Variants in ARHGAP42 observed in about 807,000 individuals in gnomAD.
ARHGAP42 encodes Rho GTPase activating protein 42.
Under a neutral mutation model 125.0 loss-of-function variants are expected in ARHGAP42, and 63 were observed. The observed-to-expected ratio is 0.50, with a 90% confidence interval of 0.41 to 0.62. ARHGAP42 has a LOEUF of 0.62. Among genes scored for constraint, ARHGAP42 ranks in the 20% least tolerant of loss-of-function variants. The probability of loss-of-function intolerance (pLI) is 0.00; values close to 1 mark genes in which losing one functional copy is unlikely to be tolerated. For missense variants in ARHGAP42, 766 were observed against 1,024.2 expected, an observed-to-expected ratio of 0.75 and a Z score of 3.44; for synonymous variants, 339 against 351.0, an observed-to-expected ratio of 0.97 and a Z score of 0.38.
intron 1 of ARHGAP42, among the ~76,000 whole-genome samples, chr11:100,750,940 T>TG: frequency 6.7e-6 from 1 of 149,754 alleles, no homozygotes; most frequent in African/African-American, 2.4e-5. Context: ...TGTATACTTT[T>TG]TTTTTTTTTT....
chr11:100,948,399 A>G, intron 10 of ARHGAP42, 58 bp from the exon 11 acceptor site: 1 of 1,235,004 alleles, frequency 8.1e-7, no homozygotes, highest in Non-Finnish European at 1.1e-6. Flanking sequence ...TTTTTAGTTA[A>G]CTGAGAATTT....
chr11:100,701,358 A>T (rs932527719), intron 1 of ARHGAP42, among the ~76,000 whole-genome samples: 1 of 152,158 alleles, frequency 6.6e-6, no homozygotes, highest in African/African-American at 2.4e-5. Context: ...CTAACAAGAG[A>T]GTCAGCCTGA....
At chr11:100,936,381 C>G (rs1193489767) in intron 8 of ARHGAP42, 49 bp downstream of exon 8, 1 of 1,548,466 alleles carries the variant, frequency 6.5e-7, no homozygotes, top group Non-Finnish European at 8.7e-7. Flanking sequence ...TAGCCACGAT[C>G]ATGAGATGTG....
Position 100,988,895 on chromosome 11 carries a change from CTAAG to C in ARHGAP42, c.*96_*99del. On this transcript the variant is annotated 3_prime_UTR_variant, in exon 24 of 24. Transcript: ENST00000298815. ...ACACAGATACACGGGGATCAGCCCACTAAGTGAAAACAGTCAATTTCTATCAAGT... is the reference window on the plus strand; with the variant it reads ...ACACAGATACACGGGGATCAGCCCACTGAAAACAGTCAATTTCTATCAAGT... 1.1e-6 allele frequency: 1 copy of C among 881,390 alleles called. No individual in the cohort carries two copies. Among genetic ancestry groups the C allele is most frequent in the East Asian group, 2.7e-5 (1 of 36,668 alleles). 54.6% of individuals were successfully genotyped at this position (881,390 alleles called of 1,614,324 possible).
chr11:100,774,899 G>C (rs1035423146), intron 2 of ARHGAP42, among the ~76,000 whole-genome samples: 3 of 151,750 alleles, frequency 2.0e-5, no homozygotes, highest in Admixed American at 1.3e-4. Context: ...TTTTGCGCCA[G>C]TGACACACTG....
At chr11:100,875,093 CTCTCTCTCTCTCTCTGTGTG>C (rs1447451346) in intron 4 of ARHGAP42, among the ~76,000 whole-genome samples, 7 of 96,020 alleles carry the variant, frequency 7.3e-5, no homozygotes, top group East Asian at 3.1e-4. Flanking sequence ...CTCTCTCTCT[CTCTCTCTCTCTCTCTGTGTG>C]TGTGTGTGTG....
intron 22 of ARHGAP42, among the ~76,000 whole-genome samples, chr11:100,979,553 A>T (rs1439835583): frequency 6.6e-6 from 1 of 152,166 alleles, no homozygotes; most frequent in Non-Finnish European, 1.5e-5. Context: ...TTAAAAGGAT[A>T]TGAGTTGTTA....
At chr11:100,943,181 A>G (rs1867926643) in intron 9 of ARHGAP42, among the ~76,000 whole-genome samples, 1 of 151,798 alleles carries the variant, frequency 6.6e-6, no homozygotes, top group South Asian at 2.1e-4. Context: ...ATTACTTTTA[A>G]TGGGAAAACC....
At chr11:100,705,017 A>AC (rs61338891) in intron 1 of ARHGAP42, among the ~76,000 whole-genome samples, 258 of 127,366 alleles carry the variant, frequency 2.0e-3, no homozygotes, top group African/African-American at 4.6e-3. Context: ...CAACAACAAA[A>AC]AAAAAAAAAA....
At chr11:100,689,234 C>T (rs531848629) in intron 1 of ARHGAP42, among the ~76,000 whole-genome samples, 1 of 152,320 alleles carries the variant, frequency 6.6e-6, no homozygotes, top group Non-Finnish European at 1.5e-5. Flanking sequence ...TATAGTTTGT[C>T]TGCAATTCTT....
At chr11:100,957,427 A>T (rs1431637022) in intron 12 of ARHGAP42, among the ~76,000 whole-genome samples, 1 of 152,088 alleles carries the variant, frequency 6.6e-6, no homozygotes, top group Admixed American at 6.6e-5. Flanking sequence ...TTATAAATGA[A>T]GGAACTTGTT....
chr11:100,870,774 T>A (rs1250277961), intron 4 of ARHGAP42, among the ~76,000 whole-genome samples: 1 of 152,202 alleles, frequency 6.6e-6, no homozygotes. Flanking sequence ...GCATTTGGAA[T>A]CGGTAGATTT....
intron 4 of ARHGAP42, among the ~76,000 whole-genome samples, chr11:100,880,047 A>C (rs1313057446): frequency 1.3e-5 from 2 of 152,110 alleles, no homozygotes; most frequent in Non-Finnish European, 2.9e-5. Flanking sequence ...TTATTTATTC[A>C]TTTTTGATAT....
chr11:100,813,818 A>G (rs1864203034), intron 3 of ARHGAP42, among the ~76,000 whole-genome samples: 1 of 152,200 alleles, frequency 6.6e-6, no homozygotes, highest in South Asian at 2.1e-4. Context: ...ACTAAAATAC[A>G]AATACTTTTT....
chr11:100,875,661 G>A (rs1865805120), intron 4 of ARHGAP42, among the ~76,000 whole-genome samples: 1 of 151,998 alleles, frequency 6.6e-6, no homozygotes, highest in Admixed American at 6.6e-5. Flanking sequence ...AGATACCCAG[G>A]CAGGCAACAG....
chr11:100,897,634 C>G (rs1048985886), intron 4 of ARHGAP42, among the ~76,000 whole-genome samples: 2 of 152,068 alleles, frequency 1.3e-5, no homozygotes, highest in African/African-American at 4.8e-5. Flanking sequence ...TGATTTGGCT[C>G]TCTGTTTGTC....
rs57891043 is a variant in ARHGAP42, at chr11:100,710,538, G to GTTTTTT, written c.154+22720_154+22725dup. ...CATGAGCCACTGCGCCCGGCCAGCA[G>GTTTTTT]TTTTTTTTTTTTTTTTTTTGAGACA... On this transcript the variant is annotated intron_variant, in intron 1 of 23. Coordinates refer to ENST00000298815, the MANE Select transcript of ARHGAP42 (RefSeq NM_152432.4). Among the ~76,000 whole-genome samples the GTTTTTT allele has an allele frequency of 2.1e-4, 22 of 107,230 alleles. 3 individuals are homozygous for GTTTTTT. Among genetic ancestry groups the GTTTTTT allele is most frequent in the African/African-American group, 5.7e-4 (14 of 24,702 alleles). The allele number at this position is 107,230 out of a possible 152,430, so 70.3% of individuals were successfully genotyped here. A position where few individuals can be genotyped will look rare whatever the true frequency, so the allele number is the denominator to read the frequency against.
intron 3 of ARHGAP42, among the ~76,000 whole-genome samples, chr11:100,850,809 A>C (rs1565241482): frequency 6.6e-6 from 1 of 151,846 alleles, no homozygotes; most frequent in Non-Finnish European, 1.5e-5. Flanking sequence ...CATTGGCACA[A>C]ACTTCTACTC....
chr11:100,926,909 G>A (rs1867442083), intron 6 of ARHGAP42, among the ~76,000 whole-genome samples: 1 of 152,152 alleles, frequency 6.6e-6, no homozygotes, highest in African/African-American at 2.4e-5. Flanking sequence ...CCTAGAGTAA[G>A]TTTTGTAATA....
Sources: gnomAD v4.1 joint callset for allele counts (sites outside exome capture counted in the v4.1 genomes callset) on GRCh38, gnomAD v4.1.1 for gene constraint, MANE v1.5 for transcripts, NCBI Gene and HGNC (gene_info 2026-07-23, HGNC 2026-07-21) for gene names.